Variants in CHD6 observed in about 807,000 individuals in gnomAD.
The protein encoded by CHD6 is chromodomain helicase DNA binding protein 6, also known as ATP-dependent chromatin remodeler CHD6.
In CHD6, 50 loss-of-function variants were observed where a neutral mutation model predicts 276.9. That is an observed-to-expected ratio of 0.18 (90% CI 0.14 to 0.23). The LOEUF (loss-of-function observed/expected upper bound fraction) is 0.23. CHD6 is among the 10% of genes least tolerant of loss of function. The pLI is 1.00. For missense variants in CHD6, 2,564 were observed against 3,365.8 expected (o/e 0.76, Z 5.89); for synonymous variants, 1,173 against 1,229.3 (o/e 0.95, Z 0.96).
chr20:41,556,360 A>C (rs986849351), intron 1 of CHD6, among the ~76,000 whole-genome samples: 34 of 145,618 alleles, frequency 2.3e-4, no homozygotes, highest in African/African-American at 8.6e-4. Flanking sequence ...GTCTCCGCTA[A>C]TGGCACTTTT....
chr20:41,602,554 G>C (rs535713471), intron 1 of CHD6, among the ~76,000 whole-genome samples: 3 of 152,258 alleles, frequency 2.0e-5, no homozygotes, highest in East Asian at 1.9e-4. Flanking sequence ...TGCCTTTCTT[G>C]CCTCCCTGGT....
intron 5 of CHD6, among the ~76,000 whole-genome samples, chr20:41,503,114 T>C (rs2043877526): frequency 6.6e-6 from 1 of 152,218 alleles, no homozygotes; most frequent in Non-Finnish European, 1.5e-5. Context: ...AGACGGCTTG[T>C]GTATTTTTTG....
intron 1 of CHD6, among the ~76,000 whole-genome samples, chr20:41,613,107 G>T (rs1181094509): frequency 6.6e-6 from 1 of 151,966 alleles, no homozygotes; most frequent in African/African-American, 2.4e-5. Flanking sequence ...AAAATTTTTA[G>T]CAGTCTAAAA....
intron 1 of CHD6, among the ~76,000 whole-genome samples, chr20:41,605,493 T>C (rs1424947366): frequency 6.6e-6 from 1 of 152,180 alleles, no homozygotes; most frequent in Non-Finnish European, 1.5e-5. Context: ...CCACACTGAG[T>C]TCCTGAGTTA....
At chr20:41,534,912 C>T (rs571238295) in intron 2 of CHD6, among the ~76,000 whole-genome samples, 1 of 152,266 alleles carries the variant, frequency 6.6e-6, no homozygotes, top group Admixed American at 6.5e-5. Context: ...AGTGAGGTGA[C>T]AGGTATCCAG....
intron 36 of CHD6, among the ~76,000 whole-genome samples, chr20:41,410,548 T>A (rs2046811504): frequency 6.6e-6 from 1 of 152,216 alleles, no homozygotes; most frequent in African/African-American, 2.4e-5. Context: ...CTGCAGGAGA[T>A]ACACGGGTGC....
At chr20:41,510,654 C>T (rs549679872) in intron 5 of CHD6, among the ~76,000 whole-genome samples, 1 of 152,302 alleles carries the variant, frequency 6.6e-6, no homozygotes, top group Non-Finnish European at 1.5e-5. Flanking sequence ...TGAATTATTT[C>T]TGTTAGTTAG....
At chr20:41,497,361 T>G in intron 8 of CHD6, 23 bp downstream of exon 8, 33 of 1,409,740 alleles carry the variant, frequency 2.3e-5, no homozygotes, top group Non-Finnish European at 3.0e-5. Flanking sequence ...AGCAGTCAAA[T>G]GAGTCAGTAA....
intron 27 of CHD6, among the ~76,000 whole-genome samples, chr20:41,436,204 A>G (rs2047704985): frequency 6.6e-6 from 1 of 152,244 alleles, no homozygotes; most frequent in African/African-American, 2.4e-5. Context: ...GGCAAGAGAC[A>G]TAAACATTTC....
intron 36 of CHD6, among the ~76,000 whole-genome samples, chr20:41,409,399 A>G (rs987107538): frequency 6.6e-6 from 1 of 152,238 alleles, no homozygotes; most frequent in African/African-American, 2.4e-5. Context: ...CTTATGTTCA[A>G]GCACACTGGA....
chr20:41,470,097 G>A lies in CHD6; in HGVS notation c.2664+3225C>T, dbSNP rs535850618. 2.6e-5 allele frequency among the ~76,000 whole-genome samples: 4 copies of A among 152,324 alleles called. No individual in the cohort carries two copies. The South Asian group carries it at 8.3e-4, about 32-fold the overall frequency. On this transcript the variant is annotated intron_variant, in intron 17 of 36. Coordinates refer to ENST00000373233, the MANE Select transcript of CHD6 (RefSeq NM_032221.5). ...GTGGGAATGTGTGTGTTTGTGTGGGGAGAGTGCATCATTCTGTGGACAGTC... is the reference window on the plus strand; with the variant it reads ...GTGGGAATGTGTGTGTTTGTGTGGGAAGAGTGCATCATTCTGTGGACAGTC...
In CHD6 at chr20:41,460,118, CG is replaced by C. The variant is rs376853025; in HGVS notation, c.2665-2691del. ...CATTTGCCCCTGCCCTCGAGATTTG[CG>C]GAACTTTGAACTTGAGAAGGATGAT... is the stretch of plus-strand genomic sequence containing the variant. On this transcript the variant is annotated intron_variant, in intron 17 of 36. Transcript: ENST00000373233. Among the ~76,000 whole-genome samples, 114 of 152,232 alleles carry C rather than the reference CG, an allele frequency of 7.5e-4. 1 individual carries two copies. The highest frequency in any genetic ancestry group is 2.6e-3 in the African/African-American group (110 of 41,534).
chr20:41,564,654 G>A (rs6072423), intron 1 of CHD6, among the ~76,000 whole-genome samples: 54,314 of 152,002 alleles, frequency 0.36, 12,553 homozygotes, highest in African/African-American at 0.63. Flanking sequence ...ACATTTTTCC[G>A]TGTGAAAAAA....
At chr20:41,601,724 A>G (rs2045775302) in intron 1 of CHD6, among the ~76,000 whole-genome samples, 1 of 152,236 alleles carries the variant, frequency 6.6e-6, no homozygotes, top group Non-Finnish European at 1.5e-5. Context: ...CAGTTTCCTC[A>G]TTGGTAAAAT....
rs960761258 is a variant in CHD6 at position 41,483,902 on chromosome 20, T to TA, written c.2258-384dup. Among the ~76,000 whole-genome samples, 721 of 151,906 alleles carry TA rather than the reference T, an allele frequency of 4.7e-3. 1 individual carries two copies. The highest frequency in any genetic ancestry group is 0.017 in the African/African-American group (689 of 41,466). ...TAAAATTTCTCCAAAAGTTTCATAG[T>TA]AAAAAAAAATCCTCCCAACATTTTC... On this transcript the variant is annotated intron_variant, in intron 15 of 36. Coordinates refer to ENST00000373233, the MANE Select transcript of CHD6 (RefSeq NM_032221.5).
At chr20:41,504,696 C>T (rs371104780) in intron 5 of CHD6, among the ~76,000 whole-genome samples, 3 of 152,288 alleles carry the variant, frequency 2.0e-5, no homozygotes, top group East Asian at 1.9e-4. Flanking sequence ...TAGGCACGAG[C>T]CACTGTGCTG....
intron 1 of CHD6, among the ~76,000 whole-genome samples, chr20:41,612,159 T>C (rs1347548801): frequency 6.6e-6 from 1 of 152,232 alleles, no homozygotes; most frequent in Admixed American, 6.5e-5. Flanking sequence ...CCATCTGCTA[T>C]AAAAGCATCT....
At chr20:41,496,003 A>T (rs1486014130) in intron 8 of CHD6, among the ~76,000 whole-genome samples, 1 of 152,216 alleles carries the variant, frequency 6.6e-6, no homozygotes, top group Non-Finnish European at 1.5e-5. Context: ...CATTCCCACC[A>T]TGACAGTCCT....
Position 41,512,963 on chromosome 20 carries a change from T to G in CHD6, c.735A>C (p.Arg245Ser). The change falls in exon 5 of 37, where the codon AGA becomes AGC. Residue 245 changes from arginine to serine, a missense_variant. This residue lies in a region of CHD6 where 286 missense variants were observed against 297.8 expected (regional missense o/e 0.96). Coordinates refer to ENST00000373233, the MANE Select transcript of CHD6 (RefSeq NM_032221.5). ...TGAAGTCCAGGTCCTCATTGTATTT[T>G]CTGCGCTTTACTTGCCTTCCCGAGC... ...KRRSGRQVKR[R>S]KYNEDLDFKV... 3 of 1,614,094 alleles carry G rather than the reference T, an allele frequency of 1.9e-6. No homozygotes were observed. Among genetic ancestry groups the G allele is most frequent in the Non-Finnish European group, 2.5e-6 (3 of 1,179,938 alleles).
Sources: gnomAD v4.1 joint callset for allele counts (sites outside exome capture counted in the v4.1 genomes callset) on GRCh38, gnomAD v4.1.1 for gene constraint, gnomAD v4.1.1 regional missense constraint, MANE v1.5 for transcripts, NCBI Gene and HGNC (gene_info 2026-07-23, HGNC 2026-07-21) for gene names.